Variants in ADAMTS17 observed in about 807,000 individuals in gnomAD.
ADAMTS17 encodes the protein A disintegrin and metalloproteinase with thrombospondin motifs 17.
ADAMTS17 carries 113 observed loss-of-function variants against 141.5 expected under a neutral mutation model. The observed-to-expected ratio is 0.80, with a 90% CI of 0.69 to 0.93. The LOEUF is 0.93. Ranked by LOEUF, ADAMTS17 falls within the 40% of genes least tolerant of loss-of-function variation. The pLI is 0.00. For synonymous variants in ADAMTS17, 768 were observed against 630.6 expected (o/e 1.22, Z -3.27); for missense variants, 1,659 against 1,517.9 (o/e 1.09, Z -1.54).
chr15:100,087,354 C>G (rs35387197), intron 15 of ADAMTS17, among the ~76,000 whole-genome samples: 2 of 151,892 alleles, frequency 1.3e-5, no homozygotes, highest in Non-Finnish European at 2.9e-5. Flanking sequence ...TAATAGCTTA[C>G]CAACCAAAAA....
At chr15:100,224,766 G>A (rs2042244735) in intron 7 of ADAMTS17, among the ~76,000 whole-genome samples, 1 of 152,254 alleles carries the variant, frequency 6.6e-6, no homozygotes, top group Admixed American at 6.5e-5. Context: ...TTCTAGGAAA[G>A]GGGAATCCCT....
At chr15:100,230,997 C>T (rs1453491809) in intron 7 of ADAMTS17, among the ~76,000 whole-genome samples, 1 of 152,210 alleles carries the variant, frequency 6.6e-6, no homozygotes. Context: ...CCCTTTCCAC[C>T]TGGTGCTGAG....
chr15:99,973,839 G>A lies in ADAMTS17; in HGVS notation c.*563C>T. 1 of 186,748 alleles carries A rather than the reference G, an allele frequency of 5.4e-6. No homozygotes were observed. Among genetic ancestry groups the A allele is most frequent in the South Asian group, 1.1e-4 (1 of 9,116 alleles). The allele number at this position is 186,748 out of a possible 1,614,324, so 11.6% of individuals were successfully genotyped here. A position where few individuals can be genotyped will look rare whatever the true frequency, so the allele number is the denominator to read the frequency against. On this transcript the variant is annotated 3_prime_UTR_variant, in exon 22 of 22. Transcript: ENST00000268070. The stretch of plus-strand genomic sequence containing the variant: ...CTAGGATTTAGAGACTATGTTCTCA[G>A]AGACGGGCATGGAGGCAACGTCCTG...
chr15:100,071,839 C>G (rs146484367), intron 15 of ADAMTS17, among the ~76,000 whole-genome samples: 1,854 of 150,436 alleles, frequency 0.012, 146 homozygotes, highest in African/African-American at 0.044. Flanking sequence ...CCTTTGAAAA[C>G]TGGCACAAGA....
intron 15 of ADAMTS17, among the ~76,000 whole-genome samples, chr15:100,080,096 G>A (rs902190905): frequency 1.3e-5 from 2 of 151,898 alleles, no homozygotes; most frequent in African/African-American, 2.4e-5. Context: ...GAATCAAGGG[G>A]TGAAACTGAA....
intron 15 of ADAMTS17, among the ~76,000 whole-genome samples, chr15:100,058,493 C>G: frequency 6.6e-6 from 1 of 152,178 alleles, no homozygotes; most frequent in East Asian, 1.9e-4. Context: ...ACAAACTACC[C>G]CACTTCCATG....
chr15:100,155,437 G>T lies in ADAMTS17; in HGVS notation c.1182-117C>A, dbSNP rs538820264. 5 of 1,414,966 alleles carry T rather than the reference G, an allele frequency of 3.5e-6. No homozygotes were observed. In the African/African-American group the frequency reaches 4.3e-5, roughly 12 times the overall value. The allele number at this position is 1,414,966 out of a possible 1,614,324, so 87.7% of individuals were successfully genotyped here. On this transcript the variant is annotated intron_variant, in intron 8 of 21. Transcript: ENST00000268070. ...TCTTAAAAACAAAAACGGACGTAAC[G>T]TGAAAGTGGTTCTCACACAGCAGAC...
intron 3 of ADAMTS17, among the ~76,000 whole-genome samples, chr15:100,309,422 G>C (rs1159329023): frequency 1.3e-5 from 2 of 152,200 alleles, no homozygotes; most frequent in Non-Finnish European, 1.5e-5. Flanking sequence ...CGCTGGGATG[G>C]AACCCACTGC....
intron 10 of ADAMTS17, among the ~76,000 whole-genome samples, chr15:100,151,172 C>A (rs1015243632): frequency 6.6e-6 from 1 of 152,200 alleles, no homozygotes; most frequent in African/African-American, 2.4e-5. Context: ...ACATGGGTGA[C>A]AGCTTCCCAC....
At chr15:100,061,247 T>A (rs368990895) in intron 15 of ADAMTS17, among the ~76,000 whole-genome samples, 20 of 152,300 alleles carry the variant, frequency 1.3e-4, no homozygotes, top group African/African-American at 4.8e-4. Flanking sequence ...AGAGGCTCCA[T>A]GAACGGCAGC....
chr15:100,111,381 G>T (rs1299943208), intron 13 of ADAMTS17, among the ~76,000 whole-genome samples: 1 of 152,236 alleles, frequency 6.6e-6, no homozygotes, highest in African/African-American at 2.4e-5. Flanking sequence ...CCTTCCACTT[G>T]CAGGGAAGGA....
intron 2 of ADAMTS17, among the ~76,000 whole-genome samples, chr15:100,333,385 A>G (rs1284955756): frequency 1.3e-5 from 2 of 152,134 alleles, no homozygotes; most frequent in African/African-American, 4.8e-5. Flanking sequence ...TATTGTTATG[A>G]TCTGGGGAGC....
At chr15:100,290,766 T>G (rs1437481943) in intron 3 of ADAMTS17, among the ~76,000 whole-genome samples, 19 of 152,208 alleles carry the variant, frequency 1.2e-4, no homozygotes, top group Non-Finnish European at 1.5e-5. Flanking sequence ...AAGGACTTTC[T>G]ATTCAATAAA....
At position 100,341,829 on chromosome 15, in the gene ADAMTS17, G is replaced by T. The variant is rs1478732641; in HGVS notation, c.71C>A (p.Pro24Gln). 1.3e-6 allele frequency: 2 copies of T among 1,551,652 alleles called. No individual in the cohort carries two copies. Among genetic ancestry groups the T allele is most frequent in the South Asian group, 1.2e-5 (1 of 84,136 alleles). Residue 24 changes from proline (P) to glutamine (Q), a missense_variant, in exon 1 of 22, where the codon CCG (proline) becomes CAG (glutamine). Coordinates refer to ENST00000268070, the MANE Select transcript of ADAMTS17 (RefSeq NM_139057.4). ...VLLLLVWGLDPGTAVGDAAAD... is the reference protein window; with the variant it reads ...VLLLLVWGLDQGTAVGDAAAD... ...GTGGGAGGGGGCGCTACCTGTGCCC[G>T]GGTCCAGTCCCCAAACCAGCAGCAG...
chr15:100,001,930 C>T (rs1193283187), intron 18 of ADAMTS17, among the ~76,000 whole-genome samples: 1 of 140,368 alleles, frequency 7.1e-6, no homozygotes, highest in South Asian at 2.2e-4. Flanking sequence ...GATTGCACCA[C>T]TGCACTCCAG....
chr15:100,306,226 C>T (rs372537884), intron 3 of ADAMTS17: 11 of 320,038 alleles, frequency 3.4e-5, no homozygotes, highest in African/African-American at 8.7e-5. Flanking sequence ...TGACATTGAG[C>T]GGTGGGGTCT....
chr15:99,990,148 G>A (rs186812601), intron 20 of ADAMTS17, among the ~76,000 whole-genome samples: 52 of 152,250 alleles, frequency 3.4e-4, no homozygotes, highest in African/African-American at 1.2e-3. Context: ...TGATCCTCCC[G>A]CCTCAGCCTC....
At chr15:100,269,665 A>G (rs573500561) in intron 4 of ADAMTS17, among the ~76,000 whole-genome samples, 5 of 152,252 alleles carry the variant, frequency 3.3e-5, no homozygotes, top group South Asian at 2.1e-4. Context: ...GAGGGACAGT[A>G]GACAGTCAGG....
intron 7 of ADAMTS17, among the ~76,000 whole-genome samples, chr15:100,231,293 A>T (rs1325513150): frequency 6.6e-6 from 1 of 152,220 alleles, no homozygotes; most frequent in Non-Finnish European, 1.5e-5. Flanking sequence ...GGAAATTTTA[A>T]TTGAGGCTTC....
Sources: allele counts gnomAD v4.1 joint callset (sites outside exome capture counted in the v4.1 genomes callset), GRCh38; gene constraint gnomAD v4.1.1; transcripts MANE v1.5; gene names NCBI Gene and HGNC (gene_info 2026-07-23, HGNC 2026-07-21).